Variants in SHISAL1 observed in about 807,000 individuals in gnomAD.
The protein encoded by SHISAL1 is shisa like 1, also known as protein shisa-like-1.
In SHISAL1, 9 loss-of-function variants were observed where a neutral mutation model predicts 22.6. The observed-to-expected ratio is 0.40, with a 90% CI of 0.24 to 0.70. The LOEUF is 0.70. Ranked by LOEUF, SHISAL1 falls within the 30% of genes least tolerant of loss-of-function variation. SHISAL1 has a pLI of 0.39. For missense variants in SHISAL1, 246 were observed against 270.6 expected (o/e 0.91, Z 0.64); for synonymous variants, 119 against 115.4 (o/e 1.03, Z -0.20).
intron 3 of SHISAL1, among the ~76,000 whole-genome samples, chr22:44,292,315 G>C (rs1431264868): frequency 6.6e-6 from 1 of 152,152 alleles, no homozygotes; most frequent in African/African-American, 2.4e-5. Context: ...AACCTGTCTA[G>C]GATACTGGAA....
chr22:44,277,265 C>T (rs1403678290), intron 4 of SHISAL1, among the ~76,000 whole-genome samples: 2 of 152,132 alleles, frequency 1.3e-5, no homozygotes, highest in South Asian at 2.1e-4. Context: ...AGGGCCTTTC[C>T]GCGTTTCCTC....
At chr22:44,316,426 G>A (rs2055559034), upstream of SHISAL1, among the ~76,000 whole-genome samples, 3 of 151,448 alleles carry the variant, frequency 2.0e-5, no homozygotes, top group African/African-American at 4.9e-5. Context: ...GGGGGGCAAA[G>A]GATTTGCATC....
At chr22:44,316,749 G>A (rs996996427), upstream of SHISAL1, among the ~76,000 whole-genome samples, 2 of 152,168 alleles carry the variant, frequency 1.3e-5, no homozygotes, top group African/African-American at 4.8e-5. Context: ...GAGGCTGCGC[G>A]CTAACCCATT....
intron 4 of SHISAL1, among the ~76,000 whole-genome samples, chr22:44,276,649 T>C (rs2055241469): frequency 6.6e-6 from 1 of 151,776 alleles, no homozygotes; most frequent in South Asian, 2.1e-4. Flanking sequence ...GCCAAGGAGA[T>C]GGTGGGAGGC....
At chr22:44,266,472 CTGTGTG>C (rs10594044) in intron 4 of SHISAL1, among the ~76,000 whole-genome samples, 1 of 98,252 alleles carries the variant, frequency 1.0e-5, no homozygotes, top group Non-Finnish European at 1.8e-5. Flanking sequence ...GTGTGTTGGG[CTGTGTG>C]TGTGTCTGTT....
intron 4 of SHISAL1, among the ~76,000 whole-genome samples, chr22:44,254,793 G>A (rs1374077792): frequency 7.2e-6 from 1 of 139,578 alleles, no homozygotes; most frequent in East Asian, 2.1e-4. Flanking sequence ...GATATAATAT[G>A]TAGAAGGTGG....
At chr22:44,252,811 G>A in intron 4 of SHISAL1, among the ~76,000 whole-genome samples, 1 of 151,616 alleles carries the variant, frequency 6.6e-6, no homozygotes, top group East Asian at 1.9e-4. Flanking sequence ...TGACCAACAT[G>A]ATGAAATCCC....
At chr22:44,290,985 C>T (rs1037150118) in intron 3 of SHISAL1, among the ~76,000 whole-genome samples, 1 of 152,202 alleles carries the variant, frequency 6.6e-6, no homozygotes, top group African/African-American at 2.4e-5. Flanking sequence ...TATCAAAATA[C>T]CACTGCGCCT....
chr22:44,255,259 C>T (rs1220621093), intron 4 of SHISAL1, among the ~76,000 whole-genome samples: 5 of 151,904 alleles, frequency 3.3e-5, no homozygotes, highest in Non-Finnish European at 5.9e-5. Context: ...GACTTTTGAC[C>T]CTCAAACTCT....
At chr22:44,307,969 G>T (rs2055491266) in intron 1 of SHISAL1, among the ~76,000 whole-genome samples, 1 of 152,298 alleles carries the variant, frequency 6.6e-6, no homozygotes, top group South Asian at 2.1e-4. Context: ...CTTCCAGCCA[G>T]CCCCTCCTCA....
At chr22:44,250,941 C>T (rs916591479) in intron 4 of SHISAL1, among the ~76,000 whole-genome samples, 2 of 152,224 alleles carry the variant, frequency 1.3e-5, no homozygotes, top group Admixed American at 1.3e-4. Flanking sequence ...CGCCAAGAGG[C>T]AGAACCTACT....
At chr22:44,331,514 C>A in the SHISAL1 span, among the ~76,000 whole-genome samples, 1 of 150,714 alleles carries the variant, frequency 6.6e-6, no homozygotes, top group African/African-American at 2.4e-5. This position sits in a 1 kb window ranked among gnomAD's most constrained non-coding sequence, Gnocchi z 5.2. Context: ...GCCGCCCGCT[C>A]GTTCCTCGCT....
intron 4 of SHISAL1, among the ~76,000 whole-genome samples, chr22:44,261,290 C>T (rs772785915): frequency 2.5e-4 from 38 of 151,992 alleles, no homozygotes; most frequent in Non-Finnish European, 1.8e-4. Context: ...TTCCAGAAAG[C>T]CCAGTGTGCT....
intron 4 of SHISAL1, among the ~76,000 whole-genome samples, chr22:44,264,874 T>C (rs547297032): frequency 6.8e-6 from 1 of 146,918 alleles, no homozygotes; most frequent in Non-Finnish European, 1.5e-5. Context: ...AGCCACGTGA[T>C]CTTGGGCGAG....
chr22:44,326,297 G>A, the SHISAL1 span, among the ~76,000 whole-genome samples: 1 of 152,052 alleles, frequency 6.6e-6, no homozygotes, highest in Admixed American at 6.6e-5. Flanking sequence ...ACTTTATTTT[G>A]AGCCCATCAG....
intron 4 of SHISAL1, among the ~76,000 whole-genome samples, chr22:44,260,159 C>A (rs1490592726): frequency 1.3e-5 from 2 of 152,138 alleles, no homozygotes; most frequent in African/African-American, 4.8e-5. Flanking sequence ...CCAAGTTCCC[C>A]TTTAAAGACC....
chr22:44,264,773 AACAC>A (rs1347669714), intron 4 of SHISAL1, among the ~76,000 whole-genome samples: 1 of 151,208 alleles, frequency 6.6e-6, no homozygotes, highest in South Asian at 2.1e-4. Flanking sequence ...CGAGGTCCCC[AACAC>A]ACACACCACA....
chr22:44,269,405 T>TACACACACACACCATGCCACAGACAGAAG (rs1569212614), intron 4 of SHISAL1, among the ~76,000 whole-genome samples: 1 of 133,868 alleles, frequency 7.5e-6, no homozygotes, highest in African/African-American at 2.9e-5. Context: ...ACCCACACAA[T>TACACACACACACCATGCCACAGACAGAAG]ACACACACAC....
chr22:44,298,334 C>T (rs776370066), intron 2 of SHISAL1, among the ~76,000 whole-genome samples: 6 of 152,246 alleles, frequency 3.9e-5, no homozygotes, highest in Non-Finnish European at 7.3e-5. Context: ...GGCCCCTGAT[C>T]GGCCTCGAGG....
Sources: allele counts gnomAD v4.1 joint callset (sites outside exome capture counted in the v4.1 genomes callset), GRCh38; gene constraint gnomAD v4.1.1; non-coding constraint Gnocchi (gnomAD v3.1); transcripts MANE v1.5; gene names NCBI Gene and HGNC (gene_info 2026-07-23, HGNC 2026-07-21).